The following ADAM23 variants were observed in gnomAD, a reference collection of about 807,000 sequenced individuals.
ADAM23 encodes ADAM metallopeptidase domain 23, also known as disintegrin and metalloproteinase domain-containing protein 23.
Under a neutral mutation model 120.1 loss-of-function variants are expected in ADAM23, and 33 were observed. The observed-to-expected ratio is 0.27, with a 90% confidence interval of 0.21 to 0.37. ADAM23 has a LOEUF of 0.37. ADAM23 is among the 10% of genes least tolerant of loss of function. The pLI, the probability that ADAM23 is intolerant of heterozygous loss-of-function variation, is 1.00. For missense variants in ADAM23, 862 were observed against 1,058.2 expected (o/e 0.81, Z 2.57); for synonymous variants, 367 against 375.2 (o/e 0.98, Z 0.25).
At chr2:206,570,109 A>T (rs1697966600) in intron 15 of ADAM23, among the ~76,000 whole-genome samples, 1 of 151,484 alleles carries the variant, frequency 6.6e-6, no homozygotes, top group African/African-American at 2.4e-5. Flanking sequence ...TGGCACCAGT[A>T]GACTAGATTA....
At chr2:206,568,376 T>C (rs1197001159) in intron 15 of ADAM23, among the ~76,000 whole-genome samples, 1 of 152,236 alleles carries the variant, frequency 6.6e-6, no homozygotes, top group Non-Finnish European at 1.5e-5. Context: ...TTTATGTTTG[T>C]GGAAAACACA....
At chr2:206,455,811 TC>T (rs1302431733) in intron 2 of ADAM23, among the ~76,000 whole-genome samples, 2 of 152,162 alleles carry the variant, frequency 1.3e-5, no homozygotes, top group African/African-American at 4.8e-5. Context: ...TTACTCCAGT[TC>T]CCAATAAGTT....
chr2:206,594,877 C>A lies in ADAM23; in HGVS notation c.2219C>A (p.Ser740Tyr). 6.2e-7 allele frequency: 1 copy of A among 1,613,984 alleles called. No homozygotes were observed. The highest frequency in any genetic ancestry group is 2.2e-5 in the East Asian group (1 of 44,864). ...ALNMSSCPLDSKGKVCSGHGV... is the reference protein window; with the variant it reads ...ALNMSSCPLDYKGKVCSGHGV... ...AATATGAGCAGCTGTCCACTCGATT[C>A]CAAGGGTAAAGTCTGTTCGGGCCAT... is the stretch of plus-strand genomic sequence containing the variant. The change falls in exon 23 of 26, where the codon TCC (serine) becomes TAC (tyrosine). Residue 740 changes from serine to tyrosine, a missense_variant. Coordinates refer to ENST00000264377, the MANE Select transcript of ADAM23 (RefSeq NM_003812.4).
intron 3 of ADAM23, among the ~76,000 whole-genome samples, chr2:206,517,552 G>A (rs1696760622): frequency 6.6e-6 from 1 of 152,132 alleles, no homozygotes; most frequent in African/African-American, 2.4e-5. Flanking sequence ...TGGTTATTTT[G>A]GAGAGTCTTG....
intron 2 of ADAM23, among the ~76,000 whole-genome samples, chr2:206,447,170 G>A (rs920807005): frequency 6.6e-6 from 1 of 152,104 alleles, no homozygotes; most frequent in African/African-American, 2.4e-5. Context: ...TTCTTTGGTG[G>A]GACGTGGTTT....
intron 2 of ADAM23, among the ~76,000 whole-genome samples, chr2:206,467,607 TGGCTTTTA>T (rs2105865421): frequency 6.6e-6 from 1 of 152,342 alleles, no homozygotes; most frequent in Non-Finnish European, 1.5e-5. Context: ...TGAGTGCCTG[TGGCTTTTA>T]CAGGCACAGG....
chr2:206,619,893 C>T lies in ADAM23; in HGVS notation c.*2266C>T, dbSNP rs1246504146. 6.6e-6 allele frequency: 1 copy of T among 152,208 alleles called. No individual in the cohort carries two copies. Among genetic ancestry groups the T allele is most frequent in the Non-Finnish European group, 1.5e-5 (1 of 68,044 alleles). 9.4% of individuals were successfully genotyped at this position (152,208 alleles called of 1,614,324 possible). A position where few individuals can be genotyped will look rare whatever the true frequency, so the allele number is the denominator to read the frequency against. On this transcript the variant is annotated 3_prime_UTR_variant, in exon 26 of 26. Coordinates refer to ENST00000264377, the MANE Select transcript of ADAM23 (RefSeq NM_003812.4). ...GTAATAACAGGGCTATCTACAAGGC[C>T]TCTCAGCCTTACTCCTGGCTTCATA...
intron 6 of ADAM23, among the ~76,000 whole-genome samples, chr2:206,547,133 A>C (rs1697415411): frequency 6.6e-6 from 1 of 152,184 alleles, no homozygotes; most frequent in African/African-American, 2.4e-5. Flanking sequence ...GCATGTTTTT[A>C]CATGTTTATT....
At chr2:206,477,061 A>G (rs908193290) in intron 2 of ADAM23, among the ~76,000 whole-genome samples, 1 of 152,224 alleles carries the variant, frequency 6.6e-6, no homozygotes, top group Non-Finnish European at 1.5e-5. Flanking sequence ...ATTCTAGAAT[A>G]TAAGTCCCAA....
At chr2:206,485,675 G>T (rs1015887023) in intron 3 of ADAM23, among the ~76,000 whole-genome samples, 2 of 152,238 alleles carry the variant, frequency 1.3e-5, no homozygotes, top group African/African-American at 4.8e-5. Flanking sequence ...TCTGCTATGT[G>T]CCTCTGGCTG....
intron 18 of ADAM23, among the ~76,000 whole-genome samples, chr2:206,583,717 G>A (rs980484586): frequency 2.0e-5 from 3 of 151,936 alleles, no homozygotes; most frequent in East Asian, 3.9e-4. Flanking sequence ...ATTTTTGATC[G>A]TTTTTTCTTT....
chr2:206,601,682 G>A (rs1698642480), intron 24 of ADAM23, among the ~76,000 whole-genome samples: 1 of 151,508 alleles, frequency 6.6e-6, no homozygotes, highest in South Asian at 2.1e-4. Flanking sequence ...GCTGAAGTGG[G>A]AGGATCACCT....
intron 14 of ADAM23, among the ~76,000 whole-genome samples, chr2:206,566,419 G>A (rs1697882489): frequency 6.6e-6 from 1 of 152,018 alleles, no homozygotes; most frequent in African/African-American, 2.4e-5. Context: ...CGCAAGTCAA[G>A]CACTGTTATA....
intron 14 of ADAM23, among the ~76,000 whole-genome samples, chr2:206,566,138 A>G (rs978144140): frequency 8.6e-5 from 13 of 150,898 alleles, no homozygotes; most frequent in Non-Finnish European, 1.9e-4. Flanking sequence ...TGTCTTCTAA[A>G]TTAATCTCTG....
intron 17 of ADAM23, among the ~76,000 whole-genome samples, chr2:206,572,778 T>C (rs1435635597): frequency 6.6e-6 from 1 of 152,172 alleles, no homozygotes; most frequent in African/African-American, 2.4e-5. Context: ...ATCTTAAATG[T>C]TTATATTATA....
rs539999994 is a variant in ADAM23, at chr2:206,608,083, G to T, written c.2360-1827G>T. 40 of 372,972 alleles carry T rather than the reference G, an allele frequency of 1.1e-4. No homozygotes were observed. In the East Asian group the frequency reaches 3.2e-3, roughly 30 times the overall value. 23.1% of individuals were successfully genotyped at this position (372,972 alleles called of 1,614,324 possible). A position where few individuals can be genotyped will look rare whatever the true frequency, so the allele number is the denominator to read the frequency against. Reference sequence around the variant, plus strand: ...GTTGAATTGTGGGGAGGAAATACATGTAAGTAGAATAAAGTTTCTCTAAAA... The same window carrying T: ...GTTGAATTGTGGGGAGGAAATACATTTAAGTAGAATAAAGTTTCTCTAAAA... On this transcript the variant is annotated intron_variant, in intron 24 of 25. Coordinates refer to ENST00000264377, the MANE Select transcript of ADAM23 (RefSeq NM_003812.4).
intron 3 of ADAM23, among the ~76,000 whole-genome samples, chr2:206,512,373 A>G (rs1263450344): frequency 1.3e-5 from 2 of 152,224 alleles, no homozygotes; most frequent in Non-Finnish European, 1.5e-5. Flanking sequence ...CTGATTTTAA[A>G]TTGCAGTTTA....
intron 18 of ADAM23, among the ~76,000 whole-genome samples, chr2:206,578,404 T>C (rs1698159917): frequency 6.6e-6 from 1 of 151,862 alleles, no homozygotes; most frequent in Non-Finnish European, 1.5e-5. Flanking sequence ...ATCATGTCTT[T>C]GCGTCACTAC....
At chr2:206,476,124 C>G (rs573283087) in intron 2 of ADAM23, among the ~76,000 whole-genome samples, 2 of 152,282 alleles carry the variant, frequency 1.3e-5, no homozygotes, top group East Asian at 3.9e-4. Flanking sequence ...TAGCCCTCTT[C>G]TTTACGAAGT....
Sources: gnomAD v4.1 joint callset for allele counts (sites outside exome capture counted in the v4.1 genomes callset) on GRCh38, gnomAD v4.1.1 for gene constraint, MANE v1.5 for transcripts, NCBI Gene and HGNC (gene_info 2026-07-23, HGNC 2026-07-21) for gene names.